The following PDE4D variants were observed in gnomAD, a reference collection of about 807,000 sequenced individuals.
The protein encoded by PDE4D is 3',5'-cyclic-AMP phosphodiesterase 4D.
A neutral mutation model predicts 87.4 loss-of-function variants in PDE4D; 24 were observed. The ratio of observed to expected loss-of-function variants is 0.27; its 90% CI spans 0.20 to 0.39. The LOEUF is 0.39. Ranked by LOEUF, PDE4D falls within the 10% of genes least tolerant of loss-of-function variation. The pLI, the probability that PDE4D is intolerant of heterozygous loss-of-function variation, is 1.00. For missense variants in PDE4D, 714 were observed against 1,041.0 expected (o/e 0.69, Z 4.32); for synonymous variants, 384 against 383.2 (o/e 1.00, Z -0.02).
At chr5:59,857,729 C>T (rs1361345410) in intron 1 of PDE4D, among the ~76,000 whole-genome samples, 1 of 151,940 alleles carries the variant, frequency 6.6e-6, no homozygotes, top group African/African-American at 2.4e-5. Context: ...ATAAAATTTA[C>T]TCCAAGGAAT....
intron 1 of PDE4D, among the ~76,000 whole-genome samples, chr5:59,583,983 C>T (rs1166344234): frequency 1.3e-5 from 2 of 152,224 alleles, no homozygotes; most frequent in Non-Finnish European, 2.9e-5. Context: ...TATTCCTTAG[C>T]ACTGGCCTGT....
At chr5:59,888,511 T>C (rs1004638456) in intron 1 of PDE4D, among the ~76,000 whole-genome samples, 9 of 152,376 alleles carry the variant, frequency 5.9e-5, no homozygotes, top group Middle Eastern at 3.4e-3. Context: ...ACTGTGTTAC[T>C]GTGTTGACAA....
At chr5:59,220,377 C>CAAAAAAAAAAAAAAAAA (rs57610513) in intron 1 of PDE4D, among the ~76,000 whole-genome samples, 59 of 36,088 alleles carry the variant, frequency 1.6e-3, no homozygotes, top group South Asian at 4.4e-3. Flanking sequence ...GACTCTGTCT[C>CAAAAAAAAAAAAAAAAA]AAAAAAAAAA....
intron 1 of PDE4D, among the ~76,000 whole-genome samples, chr5:59,457,040 C>T (rs1407618815): frequency 6.6e-6 from 1 of 152,164 alleles, no homozygotes; most frequent in Non-Finnish European, 1.5e-5. Context: ...ATTATATAAA[C>T]TTAGCTGATA....
At chr5:59,521,727 C>G (rs1480730164) in intron 1 of PDE4D, among the ~76,000 whole-genome samples, 1 of 152,168 alleles carries the variant, frequency 6.6e-6, no homozygotes, top group Non-Finnish European at 1.5e-5. Flanking sequence ...TTCTTCCTCC[C>G]TCCCCAACCC....
intron 5 of PDE4D, among the ~76,000 whole-genome samples, chr5:59,115,943 G>T (rs6886791): frequency 6.6e-6 from 1 of 151,910 alleles, no homozygotes; most frequent in Non-Finnish European, 1.5e-5. Context: ...AATGATTTTG[G>T]TTGTTTAGAT....
At chr5:59,565,085 T>G (rs996755136) in intron 1 of PDE4D, among the ~76,000 whole-genome samples, 8 of 151,992 alleles carry the variant, frequency 5.3e-5, no homozygotes, top group African/African-American at 1.9e-4. Flanking sequence ...GTGTGGCACA[T>G]GAGGTTGTGA....
At chr5:60,470,224 T>A (rs1747711276) in intron 1 of PDE4D, among the ~76,000 whole-genome samples, 1 of 152,144 alleles carries the variant, frequency 6.6e-6, no homozygotes, top group African/African-American at 2.4e-5. Flanking sequence ...AGGCCCTAAC[T>A]CTTCAATTCT....
At chr5:60,328,706 G>A (rs896149330) in intron 1 of PDE4D, among the ~76,000 whole-genome samples, 1 of 152,158 alleles carries the variant, frequency 6.6e-6, no homozygotes, top group African/African-American at 2.4e-5. Flanking sequence ...ACATAGGTAA[G>A]CATATGTTCT....
At chr5:59,914,431 G>C (rs990351859) in intron 3 of PDE4D, among the ~76,000 whole-genome samples, 1 of 152,096 alleles carries the variant, frequency 6.6e-6, no homozygotes, top group African/African-American at 2.4e-5. Flanking sequence ...CAGGCAGACA[G>C]GATTGTCAGG....
chr5:60,035,721 T>G (rs1336162787), intron 2 of PDE4D, among the ~76,000 whole-genome samples: 1 of 152,118 alleles, frequency 6.6e-6, no homozygotes, highest in Non-Finnish European at 1.5e-5. Flanking sequence ...GAGTGCAACA[T>G]TATATCAAAT....
chr5:60,225,248 G>A (rs557049632), intron 1 of PDE4D, among the ~76,000 whole-genome samples: 15 of 152,070 alleles, frequency 9.9e-5, no homozygotes, highest in African/African-American at 3.4e-4. Flanking sequence ...TAGTCAACAG[G>A]CAGAGCAAAC....
chr5:59,663,550 T>C (rs1288280681), intron 1 of PDE4D, among the ~76,000 whole-genome samples: 1 of 152,188 alleles, frequency 6.6e-6, no homozygotes, highest in Non-Finnish European at 1.5e-5. Flanking sequence ...AATCATTTTA[T>C]TTAGTCTGAT....
chr5:60,088,833 T>C (rs1040096106), intron 2 of PDE4D, among the ~76,000 whole-genome samples: 34 of 152,048 alleles, frequency 2.2e-4, no homozygotes, highest in African/African-American at 8.2e-4. Flanking sequence ...TATTCAAACC[T>C]TGAATATAAA....
chr5:59,544,775 G>A (rs1191235963), intron 1 of PDE4D, among the ~76,000 whole-genome samples: 1 of 152,170 alleles, frequency 6.6e-6, no homozygotes, highest in Non-Finnish European at 1.5e-5. Context: ...GTGTCAATGT[G>A]TGTCCTAAAT....
At chr5:59,437,267 A>AT (rs1358543532) in intron 1 of PDE4D, among the ~76,000 whole-genome samples, 11 of 152,094 alleles carry the variant, frequency 7.2e-5, no homozygotes, top group Admixed American at 2.6e-4. Flanking sequence ...ATGGAAACAA[A>AT]TGAGTTTAAT....
chr5:59,820,747 A>C (rs1185388691), intron 1 of PDE4D, among the ~76,000 whole-genome samples: 1 of 152,232 alleles, frequency 6.6e-6, no homozygotes, highest in Non-Finnish European at 1.5e-5. Flanking sequence ...GGTAGCGCTC[A>C]ACTCCCAATA....
chr5:60,486,018 A>G (rs1749109228), intron 1 of PDE4D, among the ~76,000 whole-genome samples: 1 of 152,222 alleles, frequency 6.6e-6, no homozygotes, highest in Non-Finnish European at 1.5e-5. Context: ...TAAGAGCCCA[A>G]GCAAGGTAAT....
chr5:60,284,398 C>T (rs1752220140), intron 1 of PDE4D, among the ~76,000 whole-genome samples: 1 of 152,142 alleles, frequency 6.6e-6, no homozygotes, highest in Non-Finnish European at 1.5e-5. Context: ...CAGGAAGTTG[C>T]ACTTTTTAGG....
Sources: allele counts gnomAD v4.1 joint callset (sites outside exome capture counted in the v4.1 genomes callset), GRCh38; gene constraint gnomAD v4.1.1; transcripts MANE v1.5; gene names NCBI Gene and HGNC (gene_info 2026-07-23, HGNC 2026-07-21).